The following ARID1B variants were observed in gnomAD, a reference collection of about 807,000 sequenced individuals.
ARID1B encodes AT-rich interaction domain 1B.
A neutral mutation model predicts 212.3 loss-of-function variants in ARID1B; 30 were observed. The ratio of observed to expected loss-of-function variants is 0.14; its 90% CI spans 0.11 to 0.19. The LOEUF (loss-of-function observed/expected upper bound fraction) is 0.19. Ranked by LOEUF, ARID1B falls within the 10% of genes least tolerant of loss-of-function variation. The pLI is 1.00. For missense variants in ARID1B, 2,891 were observed against 3,204.0 expected, an observed-to-expected ratio of 0.90 and a Z score of 2.36; for synonymous variants, 1,402 against 1,301.7, an observed-to-expected ratio of 1.08 and a Z score of -1.66.
At chr6:156,782,472 C>T (rs1038029394) in intron 1 of ARID1B, among the ~76,000 whole-genome samples, 1 of 152,074 alleles carries the variant, frequency 6.6e-6, no homozygotes, top group Non-Finnish European at 1.5e-5. Flanking sequence ...GAGGTCTACT[C>T]ACGCACATAG....
At chr6:156,964,643 A>G (rs1794620143) in intron 4 of ARID1B, among the ~76,000 whole-genome samples, 1 of 152,280 alleles carries the variant, frequency 6.6e-6, no homozygotes, top group Admixed American at 6.5e-5. Flanking sequence ...ATTTTACAAA[A>G]AAGAATATAG....
chr6:156,868,294 T>A (rs1785860073), intron 2 of ARID1B, among the ~76,000 whole-genome samples: 1 of 152,234 alleles, frequency 6.6e-6, no homozygotes, highest in Non-Finnish European at 1.5e-5. Context: ...TATATGTGGG[T>A]GCTTCTATTG....
At chr6:157,080,214 T>C (rs908689575) in intron 4 of ARID1B, among the ~76,000 whole-genome samples, 2 of 152,224 alleles carry the variant, frequency 1.3e-5, no homozygotes, top group Non-Finnish European at 2.9e-5. Flanking sequence ...GCTAATTGTA[T>C]TGAGAACCAT....
chr6:156,891,268 G>C (rs2128187823), intron 2 of ARID1B, among the ~76,000 whole-genome samples: 1 of 152,296 alleles, frequency 6.6e-6, no homozygotes, highest in South Asian at 2.1e-4. Flanking sequence ...CATGTGAATG[G>C]AGCTGTTGTG....
At chr6:156,874,182 A>G (rs1373889132) in intron 2 of ARID1B, among the ~76,000 whole-genome samples, 1 of 152,146 alleles carries the variant, frequency 6.6e-6, no homozygotes, top group Non-Finnish European at 1.5e-5. Context: ...TTCCTGCCTC[A>G]GCCTTTCAGG....
At chr6:157,095,976 C>T (rs534375291) in intron 5 of ARID1B, among the ~76,000 whole-genome samples, 8 of 152,304 alleles carry the variant, frequency 5.3e-5, no homozygotes, top group African/African-American at 1.9e-4. Context: ...TTGAGAATTC[C>T]CTGTCTCTAT....
rs113433431 is a variant in ARID1B at position 156,894,937 on chromosome 6, A to G, written c.1987-6439A>G. 1.0e-3 allele frequency among the ~76,000 whole-genome samples: 154 copies of G among 152,274 alleles called. 1 individual carries two copies. Among genetic ancestry groups the G allele is most frequent in the African/African-American group, 3.6e-3 (148 of 41,558 alleles). On this transcript the variant is annotated intron_variant, in intron 2 of 19. Transcript: ENST00000636930. The stretch of plus-strand genomic sequence containing the variant: ...CAGGAGGTTCAGTCAACAGACATTC[A>G]CCGAGCTCTTAGTACTGGACAGGCA...
chr6:156,788,797 G>A (rs941322306), intron 1 of ARID1B, among the ~76,000 whole-genome samples: 13 of 152,134 alleles, frequency 8.5e-5, no homozygotes, highest in Non-Finnish European at 1.6e-4. Flanking sequence ...TATATAAAGA[G>A]CAATTTTTTT....
intron 11 of ARID1B, among the ~76,000 whole-genome samples, chr6:157,180,067 A>G (rs1792395550): frequency 6.6e-6 from 1 of 152,238 alleles, no homozygotes; most frequent in Non-Finnish European, 1.5e-5. Flanking sequence ...TAACCCTAGT[A>G]TTGCAAATAT....
chr6:156,827,155 G>C (rs542073993), intron 1 of ARID1B, among the ~76,000 whole-genome samples: 1 of 152,162 alleles, frequency 6.6e-6, no homozygotes, highest in South Asian at 2.1e-4. Flanking sequence ...ATTTTTCCAG[G>C]TCAGGCCTTA....
chr6:156,958,391 A>G (rs1794123138), intron 4 of ARID1B, among the ~76,000 whole-genome samples: 1 of 152,222 alleles, frequency 6.6e-6, no homozygotes, highest in South Asian at 2.1e-4. Flanking sequence ...TAGATGGTTG[A>G]GTTATATTGC....
intron 4 of ARID1B, among the ~76,000 whole-genome samples, chr6:156,996,154 T>C (rs1435194559): frequency 6.6e-6 from 1 of 152,264 alleles, no homozygotes; most frequent in Non-Finnish European, 1.5e-5. Context: ...TTAATTTTTT[T>C]CAAAAGCTTG....
intron 2 of ARID1B, among the ~76,000 whole-genome samples, chr6:156,855,892 A>G (rs993932758): frequency 3.3e-5 from 5 of 152,224 alleles, no homozygotes; most frequent in African/African-American, 1.2e-4. Flanking sequence ...GAAAAAGACA[A>G]TTGTTGAAAT....
chr6:156,985,951 G>A (rs748964925), intron 4 of ARID1B, among the ~76,000 whole-genome samples: 1 of 152,270 alleles, frequency 6.6e-6, no homozygotes, highest in Admixed American at 6.5e-5. Context: ...GCTTTATTTC[G>A]AGATGTAATG....
intron 3 of ARID1B, among the ~76,000 whole-genome samples, chr6:156,906,888 A>G (rs940488147): frequency 1.3e-5 from 2 of 152,096 alleles, no homozygotes; most frequent in East Asian, 1.9e-4. Context: ...TTTTGTTGCT[A>G]TTGTAAATGG....
intron 4 of ARID1B, among the ~76,000 whole-genome samples, chr6:156,954,101 C>T (rs1477315246): frequency 6.6e-6 from 1 of 152,016 alleles, no homozygotes; most frequent in African/African-American, 2.4e-5. Flanking sequence ...TCTGTTGCTC[C>T]TTTATTTTTT....
chr6:156,804,852 A>T (rs1198481152), intron 1 of ARID1B, among the ~76,000 whole-genome samples: 1 of 127,156 alleles, frequency 7.9e-6, no homozygotes, highest in Non-Finnish European at 1.6e-5. Flanking sequence ...ACTAAGAGAG[A>T]TGTGATCTGA....
rs1778786959 is a variant in ARID1B at position 156,778,169 on chromosome 6, C to T, written c.489C>T (p.Pro163=). ...TTGGCGAAGCCCCCGCCGCGCCGCC[C>T]CACCAGCAGCACCACCACCACCACC... The part of the protein sequence containing the change: ...KTVGEAPAAP[P]HQQHHHHHHA... The change falls in exon 1 of 20, where the codon CCC becomes CCT. Residue 163 remains proline (P), a synonymous_variant. Coordinates refer to ENST00000636930, the MANE Select transcript of ARID1B (RefSeq NM_001374828.1). 6.5e-7 allele frequency: 1 copy of T among 1,542,426 alleles called. No homozygotes were observed. The highest frequency in any genetic ancestry group is 2.4e-5 in the East Asian group (1 of 40,820).
intron 4 of ARID1B, among the ~76,000 whole-genome samples, chr6:157,051,514 CTA>C (rs1357606464): frequency 6.6e-6 from 1 of 152,004 alleles, no homozygotes; most frequent in African/African-American, 2.4e-5. Context: ...TTTTAGATGA[CTA>C]TTTGTAATCT....
Sources: gnomAD v4.1 joint callset for allele counts (sites outside exome capture counted in the v4.1 genomes callset) on GRCh38, gnomAD v4.1.1 for gene constraint, MANE v1.5 for transcripts, NCBI Gene and HGNC (gene_info 2026-07-23, HGNC 2026-07-21) for gene names.